The following CAST variants were observed in gnomAD, a reference collection of about 807,000 sequenced individuals.
CAST encodes the protein MIR583 host.
CAST carries 76 observed loss-of-function variants against 119.6 expected under a neutral mutation model. The ratio of observed to expected loss-of-function variants is 0.64; its 90% CI spans 0.53 to 0.77. The LOEUF is 0.77. Among genes scored for constraint, CAST ranks in the 30% least tolerant of loss-of-function variants. The pLI is 0.00. For missense variants in CAST, 953 were observed against 946.5 expected (o/e 1.01, Z -0.09); for synonymous variants, 319 against 331.6 (o/e 0.96, Z 0.41).
chr5:96,536,647 C>G (rs1745822042), intron 1 of CAST, among the ~76,000 whole-genome samples: 1 of 152,132 alleles, frequency 6.6e-6, no homozygotes, highest in South Asian at 2.1e-4. Flanking sequence ...ATACATTTTT[C>G]TTTCTCTATA....
the CAST span, among the ~76,000 whole-genome samples, chr5:96,301,690 C>T: frequency 6.6e-6 from 1 of 152,172 alleles, no homozygotes. Flanking sequence ...CTTAAAGCTC[C>T]AAAATCATCT....
the CAST span, among the ~76,000 whole-genome samples, chr5:96,301,007 A>G: frequency 6.6e-6 from 1 of 152,138 alleles, no homozygotes; most frequent in Admixed American, 6.5e-5. Flanking sequence ...CTGTTCTCAC[A>G]TTGCTATAAA....
At chr5:96,277,200 C>T in the CAST span, among the ~76,000 whole-genome samples, 1 of 152,162 alleles carries the variant, frequency 6.6e-6, no homozygotes, top group African/African-American at 2.4e-5. Flanking sequence ...GCCTGAAGGA[C>T]ATGTCTAGAA....
the CAST span, among the ~76,000 whole-genome samples, chr5:96,491,615 T>C: frequency 6.6e-6 from 1 of 151,442 alleles, no homozygotes; most frequent in Non-Finnish European, 1.5e-5. Context: ...AAACTGACGG[T>C]ATTTATTTAA....
At chr5:96,516,726 G>A in the CAST span, among the ~76,000 whole-genome samples, 1 of 152,186 alleles carries the variant, frequency 6.6e-6, no homozygotes, top group Non-Finnish European at 1.5e-5. Context: ...TAGAGTTCAC[G>A]ACTTGACAAG....
chr5:96,623,926 G>C (rs902336254), intron 1 of CAST, among the ~76,000 whole-genome samples: 3 of 151,818 alleles, frequency 2.0e-5, no homozygotes, highest in Admixed American at 2.0e-4. Context: ...CTCAAACTCC[G>C]AGACTCAAGC....
the CAST span, among the ~76,000 whole-genome samples, chr5:96,120,880 TCAATTACTTTTTCTC>T: frequency 2.0e-5 from 3 of 151,772 alleles, no homozygotes; most frequent in African/African-American, 7.3e-5. Context: ...TCCCTGTGCC[TCAATTACTTTTTCTC>T]CAGATAGCCA....
intron 24 of CAST, 35 bp from the exon 25 acceptor site, chr5:96,762,238 AC>A (rs1561605721): frequency 1.5e-6 from 2 of 1,377,822 alleles, no homozygotes; most frequent in South Asian, 2.5e-5. Flanking sequence ...AATTTTATAT[AC>A]AACATGTTAC....
the CAST span, among the ~76,000 whole-genome samples, chr5:96,285,699 T>C: frequency 6.6e-6 from 1 of 152,334 alleles, no homozygotes; most frequent in East Asian, 1.9e-4. Context: ...GTTCTTTCTC[T>C]TATTTTTGCC....
the CAST span, among the ~76,000 whole-genome samples, chr5:96,193,788 T>C: frequency 6.6e-6 from 1 of 152,184 alleles, no homozygotes; most frequent in Non-Finnish European, 1.5e-5. Flanking sequence ...GTTGCTTCTG[T>C]AAAAGTGAAA....
intron 2 of CAST, among the ~76,000 whole-genome samples, chr5:96,683,302 G>A (rs1317615141): frequency 2.0e-5 from 3 of 152,132 alleles, no homozygotes; most frequent in Non-Finnish European, 2.9e-5. Flanking sequence ...TGGAGATTCT[G>A]CCTAGATTTT....
chr5:96,415,195 A>G, the CAST span, among the ~76,000 whole-genome samples: 1 of 152,206 alleles, frequency 6.6e-6, no homozygotes, highest in African/African-American at 2.4e-5. Context: ...CATGGACTGC[A>G]TCAATGGGCT....
In CAST at chr5:96,767,943, T is replaced by G. The variant is rs770547929; in HGVS notation, c.2212T>G (p.Ser738Ala). The change falls in exon 29 of 32, where the codon TCA (serine) becomes GCA (alanine). Residue 738 changes from serine to alanine, a missense_variant. Coordinates refer to ENST00000675179, the MANE Select transcript of CAST (RefSeq NM_001750.7). ...ADDQDPIDAL[S>A]GDLDSCPSTT... Reference sequence around the variant, plus strand: ...TGACCAAGACCCCATTGATGCTCTCTCAGGAGATCTGGACAGCTGTCCCTC... The same window carrying G: ...TGACCAAGACCCCATTGATGCTCTCGCAGGAGATCTGGACAGCTGTCCCTC... 2 of 1,613,704 alleles carry G rather than the reference T, an allele frequency of 1.2e-6. No homozygotes were observed. The highest frequency in any genetic ancestry group is 2.2e-5 in the South Asian group (2 of 91,076).
At chr5:96,624,302 C>T (rs1222291655) in intron 1 of CAST, among the ~76,000 whole-genome samples, 1 of 152,178 alleles carries the variant, frequency 6.6e-6, no homozygotes, top group Non-Finnish European at 1.5e-5. Context: ...TGTTTCAACA[C>T]GCTAAGCACA....
chr5:96,647,503 T>TA (rs1349285671), intron 1 of CAST, among the ~76,000 whole-genome samples: 1 of 152,312 alleles, frequency 6.6e-6, no homozygotes, highest in East Asian at 1.9e-4. Context: ...CTAAGTGTTA[T>TA]GAGTTGAAAT....
At chr5:96,077,348 T>C in the CAST span, among the ~76,000 whole-genome samples, 4 of 152,230 alleles carry the variant, frequency 2.6e-5, no homozygotes, top group African/African-American at 7.2e-5. Context: ...CATGACTGTA[T>C]AACTTTCTCT....
At chr5:96,364,755 T>C in the CAST span, among the ~76,000 whole-genome samples, 1 of 152,228 alleles carries the variant, frequency 6.6e-6, no homozygotes, top group African/African-American at 2.4e-5. Context: ...TCAATTTTGT[T>C]GATCTTTTCA....
chr5:96,496,867 T>C, the CAST span, among the ~76,000 whole-genome samples: 1 of 152,182 alleles, frequency 6.6e-6, no homozygotes, highest in East Asian at 1.9e-4. Context: ...TGCTGTATTT[T>C]TTTTTATTAT....
chr5:96,358,385 C>G, the CAST span, among the ~76,000 whole-genome samples: 1 of 151,886 alleles, frequency 6.6e-6, no homozygotes, highest in East Asian at 1.9e-4. Flanking sequence ...TTTGAATTTG[C>G]TGGTTCTTGC....
Sources: allele counts gnomAD v4.1 joint callset (sites outside exome capture counted in the v4.1 genomes callset), GRCh38; gene constraint gnomAD v4.1.1; transcripts MANE v1.5; gene names NCBI Gene and HGNC (gene_info 2026-07-23, HGNC 2026-07-21).